KCNB2: variants seen among roughly 807,000 people sequenced by gnomAD.
The protein encoded by KCNB2 is potassium voltage-gated channel subfamily B member 2.
A neutral mutation model predicts 61.5 loss-of-function variants in KCNB2; 15 were observed. The ratio of observed to expected loss-of-function variants is 0.24; its 90% confidence interval spans 0.16 to 0.38. KCNB2 has a LOEUF of 0.38. Among genes scored for constraint, KCNB2 ranks in the 10% least tolerant of loss-of-function variants. The pLI, the probability that KCNB2 is intolerant of heterozygous loss-of-function variation, is 1.00. For missense variants in KCNB2, 828 were observed against 1,125.2 expected, an observed-to-expected ratio of 0.74 and a Z score of 3.78; for synonymous variants, 457 against 446.0, an observed-to-expected ratio of 1.02 and a Z score of -0.31.
intron 2 of KCNB2, among the ~76,000 whole-genome samples, chr8:72,703,608 G>A (rs1201315786): frequency 6.6e-6 from 1 of 152,164 alleles, no homozygotes; most frequent in African/African-American, 2.4e-5. Context: ...GAGAGCTGCT[G>A]GTTGCATGTA....
chr8:72,914,394 A>T (rs77268959), intron 2 of KCNB2, among the ~76,000 whole-genome samples: 4,020 of 152,298 alleles, frequency 0.026, 148 homozygotes, highest in African/African-American at 0.089. Context: ...TTTTTGTTTT[A>T]TTAGTTAAAA....
chr8:72,900,635 TAAAC>T (rs755648660), intron 2 of KCNB2, among the ~76,000 whole-genome samples: 5 of 151,964 alleles, frequency 3.3e-5, no homozygotes, highest in Admixed American at 6.6e-5. Flanking sequence ...ATGAGGATCT[TAAAC>T]AAAATCAATA....
chr8:72,782,809 T>TA (rs1490999351), intron 2 of KCNB2, among the ~76,000 whole-genome samples: 1 of 152,214 alleles, frequency 6.6e-6, no homozygotes, highest in African/African-American at 2.4e-5. Context: ...GCAGAGTTTT[T>TA]GAGGACAGTA....
chr8:72,605,461 A>G (rs957177693), intron 2 of KCNB2, among the ~76,000 whole-genome samples: 1 of 152,196 alleles, frequency 6.6e-6, no homozygotes, highest in Non-Finnish European at 1.5e-5. Flanking sequence ...CATGGCTTTA[A>G]AGGATTTTCA....
At chr8:72,903,391 C>CAACT (rs1384960005) in intron 2 of KCNB2, among the ~76,000 whole-genome samples, 2 of 152,102 alleles carry the variant, frequency 1.3e-5, no homozygotes, top group African/African-American at 4.8e-5. Flanking sequence ...ATTTGTGCTC[C>CAACT]AACTCTTGTC....
chr8:72,779,865 C>A (rs1347531012), intron 2 of KCNB2, among the ~76,000 whole-genome samples: 3 of 152,104 alleles, frequency 2.0e-5, no homozygotes, highest in Non-Finnish European at 2.9e-5. Flanking sequence ...CCCAGTGACT[C>A]GGTATTCAAT....
intron 2 of KCNB2, among the ~76,000 whole-genome samples, chr8:72,778,367 G>A (rs73686513): frequency 1.2e-3 from 184 of 152,186 alleles, no homozygotes; most frequent in African/African-American, 4.2e-3. Flanking sequence ...CTTCCTTGAG[G>A]GAGGGGAAGA....
At chr8:72,845,715 TC>T (rs1809977974) in intron 2 of KCNB2, among the ~76,000 whole-genome samples, 1 of 152,158 alleles carries the variant, frequency 6.6e-6, no homozygotes, top group Non-Finnish European at 1.5e-5. Context: ...GGTTCGAACT[TC>T]CAGGCAGCTT....
At chr8:72,598,184 T>G (rs796998032) in intron 2 of KCNB2, among the ~76,000 whole-genome samples, 8 of 151,452 alleles carry the variant, frequency 5.3e-5, no homozygotes, top group African/African-American at 1.5e-4. Flanking sequence ...TGATGAACAT[T>G]GATGCAAAAA....
At chr8:72,798,506 C>T (rs1171291870) in intron 2 of KCNB2, among the ~76,000 whole-genome samples, 4 of 152,110 alleles carry the variant, frequency 2.6e-5, no homozygotes, top group South Asian at 2.1e-4. Context: ...TTCTGCCCTT[C>T]GACTCCTGGG....
intron 2 of KCNB2, among the ~76,000 whole-genome samples, chr8:72,772,187 AC>A (rs1808572255): frequency 6.6e-6 from 1 of 152,096 alleles, no homozygotes; most frequent in Admixed American, 6.5e-5. Flanking sequence ...TGGCTGGAGG[AC>A]CCTGAGCAGG....
chr8:72,542,599 T>C (rs538978952), intron 1 of KCNB2, among the ~76,000 whole-genome samples: 5 of 152,150 alleles, frequency 3.3e-5, no homozygotes, highest in Non-Finnish European at 7.4e-5. Flanking sequence ...TTACATAATG[T>C]TTATTGGCTT....
At chr8:72,882,726 A>AAAAGAG (rs1805737773) in intron 2 of KCNB2, among the ~76,000 whole-genome samples, 1 of 148,718 alleles carries the variant, frequency 6.7e-6, no homozygotes, top group African/African-American at 2.6e-5. Context: ...ATGAATAGGA[A>AAAAGAG]AAAGAAAAAG....
In KCNB2 at chr8:72,648,565, C is replaced by A. The variant is rs575786293; in HGVS notation, c.579+80252C>A. On this transcript the variant is annotated intron_variant, in intron 2 of 2. Transcript: ENST00000523207. ...CTGGGATTACAGGCATTAGCCACCA[C>A]ACCTGGCTTTTTTTTTTTTTCAGAA... is the stretch of plus-strand genomic sequence containing the variant. Among the ~76,000 whole-genome samples, 82 of 124,810 alleles carry A rather than the reference C, an allele frequency of 6.6e-4. 1 individual carries two copies. Among genetic ancestry groups the A allele is most frequent in the African/African-American group, 2.1e-3 (78 of 36,872 alleles). The allele number at this position is 124,810 out of a possible 152,430, so 81.9% of individuals were successfully genotyped here.
chr8:72,567,863 C>T lies in KCNB2; in HGVS notation c.129C>T (p.Gly43=), dbSNP rs866731557. 1.4e-5 allele frequency: 22 copies of T among 1,613,862 alleles called. No individual in the cohort carries two copies. Among genetic ancestry groups the T allele is most frequent in the Non-Finnish European group, 1.4e-5 (17 of 1,179,996 alleles). ...CSRRVKINVG[G]LNHEVLWRTL... ...GGAGAGTTAAGATCAATGTGGGGGG[C>T]CTCAACCACGAAGTCCTGTGGAGAA... The change falls in exon 2 of 3, where the codon GGC becomes GGT. Residue 43 remains glycine (G), a synonymous_variant. Coordinates refer to ENST00000523207, the MANE Select transcript of KCNB2 (RefSeq NM_004770.3).
chr8:72,705,846 G>A (rs891783306), intron 2 of KCNB2, among the ~76,000 whole-genome samples: 6 of 152,228 alleles, frequency 3.9e-5, no homozygotes, highest in African/African-American at 1.4e-4. Flanking sequence ...CTCAATGGGA[G>A]AACTGAGAGT....
intron 2 of KCNB2, among the ~76,000 whole-genome samples, chr8:72,734,553 C>T (rs1279640700): frequency 6.6e-6 from 1 of 152,184 alleles, no homozygotes; most frequent in Non-Finnish European, 1.5e-5. Flanking sequence ...CTGGATGCTA[C>T]TATGACGCCT....
intron 2 of KCNB2, among the ~76,000 whole-genome samples, chr8:72,603,972 C>A (rs1255630255): frequency 6.6e-6 from 1 of 152,122 alleles, no homozygotes; most frequent in East Asian, 1.9e-4. Context: ...TCCCCCCGAG[C>A]TTTCAGAGAA....
intron 2 of KCNB2, among the ~76,000 whole-genome samples, chr8:72,717,974 A>G (rs1347039472): frequency 6.6e-6 from 1 of 151,942 alleles, no homozygotes; most frequent in Non-Finnish European, 1.5e-5. Flanking sequence ...CAAGAAAAAA[A>G]CAAACAACCC....
Sources: allele counts gnomAD v4.1 joint callset (sites outside exome capture counted in the v4.1 genomes callset), GRCh38; gene constraint gnomAD v4.1.1; transcripts MANE v1.5; gene names NCBI Gene and HGNC (gene_info 2026-07-23, HGNC 2026-07-21).